The following CCL22 variants were observed in gnomAD, a reference collection of about 807,000 sequenced individuals.
CCL22 encodes the protein C-C motif chemokine 22.
Under a neutral mutation model 7.6 loss-of-function variants are expected in CCL22, and 7 were observed. That is an observed-to-expected ratio of 0.92 (90% CI 0.52 to 1.72). The LOEUF is 1.72. Among genes scored for constraint, CCL22 ranks in the 40% most tolerant of loss-of-function variants. The probability of loss-of-function intolerance (pLI) is 0.00; values close to 1 mark genes in which losing one functional copy is unlikely to be tolerated. For missense variants in CCL22, 115 were observed against 124.7 expected, an observed-to-expected ratio of 0.92 and a Z score of 0.37; for synonymous variants, 55 against 47.2, an observed-to-expected ratio of 1.17 and a Z score of -0.68.
intron 2 of CCL22, among the ~76,000 whole-genome samples, chr16:57,363,016 G>C (rs1462705707): frequency 6.6e-6 from 1 of 151,116 alleles, no homozygotes; most frequent in Admixed American, 6.6e-5. Context: ...TTCTTGACAC[G>C]GGGTCTCATT....
chr16:57,359,546 C>T (rs1567549136), intron 1 of CCL22, among the ~76,000 whole-genome samples: 1 of 148,678 alleles, frequency 6.7e-6, no homozygotes, highest in East Asian at 2.0e-4. Context: ...AAACTCCTGA[C>T]CTCAGATGAT....
At position 57,364,793 on chromosome 16, in the gene CCL22, A is replaced by ACTGCC. The variant is rs1555509459; in HGVS notation, c.*1206_*1207insTGCCC. Reference sequence around the variant, plus strand: ...AGTGCCTGGCCTCTTCCCTCTCCCCACCCCCCCCCCAACTTTTTTTTTTTT... The same window carrying ACTGCC: ...AGTGCCTGGCCTCTTCCCTCTCCCCACTGCCCCCCCCCCCCAACTTTTTTTTTTTT... On this transcript the variant is annotated 3_prime_UTR_variant, in exon 3 of 3. Coordinates refer to ENST00000219235, the MANE Select transcript of CCL22 (RefSeq NM_002990.5). The ACTGCC allele has an allele frequency of 3.0e-5, 1 of 33,602 alleles. No homozygotes were observed. The highest frequency in any genetic ancestry group is 7.1e-5 in the Non-Finnish European group (1 of 14,102). 2.1% of individuals were successfully genotyped at this position (33,602 alleles called of 1,614,324 possible). A position where few individuals can be genotyped will look rare whatever the true frequency, so the allele number is the denominator to read the frequency against.
intron 2 of CCL22, among the ~76,000 whole-genome samples, chr16:57,361,362 A>G (rs560530957): frequency 6.6e-6 from 1 of 152,092 alleles, no homozygotes; most frequent in South Asian, 2.1e-4. Context: ...GAATAACATT[A>G]AGAGCTAAAA....
At chr16:57,359,614 C>T (rs900743142) in intron 1 of CCL22, among the ~76,000 whole-genome samples, 2 of 148,242 alleles carry the variant, frequency 1.3e-5, no homozygotes, top group African/African-American at 5.0e-5. Context: ...CTGCGTCTAG[C>T]CTAAATTTAT....
chr16:57,357,995 C>CA (rs1902005248), upstream of CCL22, among the ~76,000 whole-genome samples: 2 of 152,152 alleles, frequency 1.3e-5, no homozygotes, highest in Admixed American at 6.5e-5. Context: ...CTGGACCACT[C>CA]ACGCTGGCTG....
chr16:57,359,589 T>C (rs1902026278), intron 1 of CCL22, among the ~76,000 whole-genome samples: 1 of 152,116 alleles, frequency 6.6e-6, no homozygotes. Context: ...GTGCTGGGAT[T>C]ACAGGCATGA....
upstream of CCL22, among the ~76,000 whole-genome samples, chr16:57,358,062 C>T (rs903258173): frequency 6.6e-6 from 1 of 152,108 alleles, no homozygotes; most frequent in Non-Finnish European, 1.5e-5. Flanking sequence ...GTGGAGGTGG[C>T]CTGGACTGGG....
chr16:57,362,771 G>A (rs2146498669), intron 2 of CCL22, among the ~76,000 whole-genome samples: 1 of 152,250 alleles, frequency 6.6e-6, no homozygotes, highest in Non-Finnish European at 1.5e-5. Context: ...TGAGGCAGGA[G>A]GATCGCCTGA....
chr16:57,361,495 G>T (rs1902049812), intron 2 of CCL22, among the ~76,000 whole-genome samples: 1 of 152,178 alleles, frequency 6.6e-6, no homozygotes, highest in Non-Finnish European at 1.5e-5. Context: ...GGAGAAACAG[G>T]CTTAGCAAGG....
chr16:57,363,197 G>A (rs1170851629), intron 2 of CCL22, among the ~76,000 whole-genome samples: 1 of 152,084 alleles, frequency 6.6e-6, no homozygotes, highest in Non-Finnish European at 1.5e-5. Flanking sequence ...GTTTTGCCAT[G>A]TTGCCCAGGA....
chr16:57,360,391 C>A (rs1258721536), intron 1 of CCL22, 46 bp from the exon 2 acceptor site: 1 of 1,608,536 alleles, frequency 6.2e-7, no homozygotes, highest in Admixed American at 1.7e-5. Context: ...CGAGGGTGAC[C>A]TCTCTGGGCT....
intron 2 of CCL22, among the ~76,000 whole-genome samples, chr16:57,361,023 G>T (rs571099404): frequency 5.3e-5 from 8 of 152,292 alleles, no homozygotes; most frequent in African/African-American, 1.9e-4. Flanking sequence ...ACTTTGGGAG[G>T]CCGAGGCAGG....
At position 57,360,430 on chromosome 16, in the gene CCL22, C is replaced by A; in HGVS notation, c.74-7C>A. 6.2e-7 allele frequency: 1 copy of A among 1,614,148 alleles called. No homozygotes were observed. The highest frequency in any genetic ancestry group is 8.5e-7 in the Non-Finnish European group (1 of 1,180,002). ...GCTTGTGAATTCACTGGGGACCCCT[C>A]CCCTAGGCCCCTACGGCGCCAACAT... On this transcript the variant is annotated splice_polypyrimidine_tract_variant and splice_region_variant and intron_variant, in intron 1 of 2. Transcript: ENST00000219235.
chr16:57,363,017 G>C (rs180807339), intron 2 of CCL22, among the ~76,000 whole-genome samples: 62 of 151,794 alleles, frequency 4.1e-4, no homozygotes, highest in African/African-American at 1.4e-3. Context: ...TCTTGACACG[G>C]GGTCTCATTC....
At chr16:57,361,775 A>C (rs1256497269) in intron 2 of CCL22, among the ~76,000 whole-genome samples, 2 of 151,844 alleles carry the variant, frequency 1.3e-5, no homozygotes, top group Non-Finnish European at 2.9e-5. Flanking sequence ...GGGACTCATG[A>C]CCCACTTTGG....
upstream of CCL22, among the ~76,000 whole-genome samples, chr16:57,358,546 GA>G (rs1902013192): frequency 6.6e-6 from 1 of 152,212 alleles, no homozygotes; most frequent in Admixed American, 6.5e-5. Flanking sequence ...AAGCCTCTAA[GA>G]GGGGGATTTT....
intron 2 of CCL22, among the ~76,000 whole-genome samples, chr16:57,361,161 A>G (rs555777560): frequency 6.6e-6 from 1 of 151,166 alleles, no homozygotes; most frequent in East Asian, 2.0e-4. Context: ...TGGGAGGCTG[A>G]GGCAGGAGAA....
Position 57,358,824 on chromosome 16 carries a change from G to A in CCL22, c.8G>A (p.Arg3His), listed in dbSNP as rs186412735. 40 of 1,613,078 alleles carry A rather than the reference G, an allele frequency of 2.5e-5. No homozygotes were observed. The highest frequency in any genetic ancestry group is 1.7e-4 in the Admixed American group (10 of 60,018). Residue 3 changes from arginine to histidine, a missense_variant, in exon 1 of 3, where the codon CGC (arginine) becomes CAC (histidine). Transcript: ENST00000219235. Reference sequence around the variant, plus strand: ...AGACATACAGGACAGAGCATGGATCGCCTACAGACTGCACTCCTGGTTGTC... The same window carrying A: ...AGACATACAGGACAGAGCATGGATCACCTACAGACTGCACTCCTGGTTGTC... MDRLQTALLVVLV... is the reference protein window; with the variant it reads MDHLQTALLVVLV...
intron 2 of CCL22, among the ~76,000 whole-genome samples, chr16:57,361,643 C>A (rs1178342252): frequency 6.6e-6 from 1 of 152,174 alleles, no homozygotes; most frequent in African/African-American, 2.4e-5. Context: ...TGGCCTGGGG[C>A]CTGCACCTGC....
Sources: gnomAD v4.1 joint callset for allele counts (sites outside exome capture counted in the v4.1 genomes callset) on GRCh38, gnomAD v4.1.1 for gene constraint, MANE v1.5 for transcripts, NCBI Gene and HGNC (gene_info 2026-07-23, HGNC 2026-07-21) for gene names.